The following CSMD1 variants were observed in gnomAD, a reference collection of about 807,000 sequenced individuals.
The protein encoded by CSMD1 is CUB and sushi domain-containing protein 1.
A neutral mutation model predicts 417.5 loss-of-function variants in CSMD1; 213 were observed. The observed-to-expected ratio is 0.51, with a 90% CI of 0.46 to 0.57. CSMD1 has a LOEUF of 0.57. Ranked by LOEUF, CSMD1 falls within the 20% of genes least tolerant of loss-of-function variation. CSMD1 has a pLI of 0.00. For synonymous variants in CSMD1, 2,862 were observed against 1,736.8 expected (o/e 1.65, Z -16.11); for missense variants, 6,923 against 4,529.7 (o/e 1.53, Z -15.17).
At chr8:3,773,976 G>C (rs1480718358) in intron 5 of CSMD1, among the ~76,000 whole-genome samples, 1 of 152,130 alleles carries the variant, frequency 6.6e-6, no homozygotes, top group Non-Finnish European at 1.5e-5. Flanking sequence ...GATTAACCCT[G>C]CATCTATTTG....
intron 3 of CSMD1, among the ~76,000 whole-genome samples, chr8:4,044,978 G>A (rs1048173789): frequency 1.3e-5 from 2 of 152,254 alleles, no homozygotes; most frequent in African/African-American, 2.4e-5. Flanking sequence ...TGTTCACGGA[G>A]GAGTTTCTAC....
At chr8:3,739,241 G>A (rs1796675810) in intron 6 of CSMD1, among the ~76,000 whole-genome samples, 1 of 152,160 alleles carries the variant, frequency 6.6e-6, no homozygotes, top group African/African-American at 2.4e-5. Context: ...CAGGCATTCT[G>A]TTCTCATCCT....
At chr8:3,277,856 A>G (rs1802422433) in intron 26 of CSMD1, among the ~76,000 whole-genome samples, 1 of 152,230 alleles carries the variant, frequency 6.6e-6, no homozygotes, top group South Asian at 2.1e-4. Context: ...ACATTAAACC[A>G]CATGGAATTG....
intron 3 of CSMD1, among the ~76,000 whole-genome samples, chr8:4,253,591 G>C (rs1472447879): frequency 6.6e-6 from 1 of 152,152 alleles, no homozygotes; most frequent in Admixed American, 6.6e-5. Context: ...GCAGTAAAAT[G>C]AGATGAGAAA....
intron 5 of CSMD1, among the ~76,000 whole-genome samples, chr8:3,922,151 T>A (rs1165570437): frequency 6.6e-6 from 1 of 152,096 alleles, no homozygotes. Flanking sequence ...CATGTTTCCG[T>A]TTTTGCCTAA....
chr8:3,700,066 T>C (rs1405655037), intron 7 of CSMD1, among the ~76,000 whole-genome samples: 1 of 152,122 alleles, frequency 6.6e-6, no homozygotes, highest in Non-Finnish European at 1.5e-5. Context: ...AATATGCCTG[T>C]CCTCATAAGA....
At chr8:3,776,740 T>A (rs750144607) in intron 5 of CSMD1, among the ~76,000 whole-genome samples, 4 of 147,162 alleles carry the variant, frequency 2.7e-5, no homozygotes, top group Non-Finnish European at 5.9e-5. Flanking sequence ...AGATGACAGA[T>A]AAAGATAGGC....
At chr8:3,034,551 T>C (rs1164386331) in intron 50 of CSMD1, among the ~76,000 whole-genome samples, 1 of 152,130 alleles carries the variant, frequency 6.6e-6, no homozygotes, top group Non-Finnish European at 1.5e-5. Flanking sequence ...AACACATAAA[T>C]ATATGTACAT....
chr8:4,817,754 C>T (rs373193573), intron 1 of CSMD1, among the ~76,000 whole-genome samples: 25 of 152,244 alleles, frequency 1.6e-4, no homozygotes, highest in East Asian at 1.2e-3. Flanking sequence ...GCAGCTATCA[C>T]GCTGAGTAGG....
chr8:4,201,269 T>C (rs1006692261), intron 3 of CSMD1, among the ~76,000 whole-genome samples: 3 of 152,176 alleles, frequency 2.0e-5, no homozygotes, highest in African/African-American at 4.8e-5. Flanking sequence ...CCGGGCGCAG[T>C]GGCTCACGCC....
At chr8:3,343,637 C>G (rs1034999832) in intron 22 of CSMD1, among the ~76,000 whole-genome samples, 187 bp from the exon 23 acceptor site, 9 of 152,120 alleles carry the variant, frequency 5.9e-5, no homozygotes, top group African/African-American at 2.2e-4. Flanking sequence ...TTTATCTTTA[C>G]CATTAACACT....
chr8:4,818,170 T>C (rs1430361794), intron 1 of CSMD1, among the ~76,000 whole-genome samples: 2 of 152,180 alleles, frequency 1.3e-5, no homozygotes, highest in Non-Finnish European at 1.5e-5. Flanking sequence ...GAGATTTATA[T>C]ATTCTCAATA....
chr8:4,331,757 A>G (rs60981451), intron 3 of CSMD1, among the ~76,000 whole-genome samples: 9,690 of 152,226 alleles, frequency 0.064, 440 homozygotes, highest in Non-Finnish European at 0.084. Flanking sequence ...GCTTCGGTCC[A>G]TGTGCCAAGT....
At chr8:3,467,910 C>G (rs1328894984) in intron 12 of CSMD1, among the ~76,000 whole-genome samples, 2 of 152,172 alleles carry the variant, frequency 1.3e-5, no homozygotes, top group Non-Finnish European at 2.9e-5. Context: ...TGCCTATTTA[C>G]TCAAATTCAA....
intron 26 of CSMD1, among the ~76,000 whole-genome samples, chr8:3,241,312 G>GTGA (rs1799500048): frequency 6.6e-6 from 1 of 150,694 alleles, no homozygotes; most frequent in Non-Finnish European, 1.5e-5. Context: ...ACCCACAACA[G>GTGA]TTATGGAGGC....
At chr8:4,930,689 G>T (rs993905027) in intron 1 of CSMD1, among the ~76,000 whole-genome samples, 1 of 152,242 alleles carries the variant, frequency 6.6e-6, no homozygotes, top group South Asian at 2.1e-4. Context: ...TCAATGTTTA[G>T]GTCGTTTATA....
chr8:4,811,808 T>A (rs1426120809), intron 1 of CSMD1, among the ~76,000 whole-genome samples: 1 of 152,182 alleles, frequency 6.6e-6, no homozygotes, highest in Non-Finnish European at 1.5e-5. Flanking sequence ...AAGTTTTGCA[T>A]AGACATAGGA....
chr8:3,222,787 G>C (rs1170724954), intron 28 of CSMD1, among the ~76,000 whole-genome samples: 4 of 152,146 alleles, frequency 2.6e-5, no homozygotes, highest in Non-Finnish European at 5.9e-5. Context: ...TGGCAGTTTA[G>C]TAAATTCAGG....
rs540215805 is a variant in CSMD1, at chr8:3,456,509, C to T, written c.1561+12203G>A. 5.9e-5 allele frequency among the ~76,000 whole-genome samples: 9 copies of T among 152,298 alleles called. No homozygotes were observed. The East Asian group carries it at 1.7e-3, about 29-fold the overall frequency. ...ACACTGAAGGCCTTGTGAATGATGT[C>T]ACCATGTGCTTTGTGGTTATCTAAG... On this transcript the variant is annotated intron_variant, in intron 12 of 69. Coordinates refer to ENST00000635120, the MANE Select transcript of CSMD1 (RefSeq NM_033225.6).
Sources: gnomAD v4.1 joint callset for allele counts (sites outside exome capture counted in the v4.1 genomes callset) on GRCh38, gnomAD v4.1.1 for gene constraint, MANE v1.5 for transcripts, NCBI Gene and HGNC (gene_info 2026-07-23, HGNC 2026-07-21) for gene names.